PRKAA1: variants seen among roughly 807,000 people sequenced by gnomAD.
PRKAA1 encodes 5'-AMP-activated protein kinase catalytic subunit alpha-1.
Under a neutral mutation model 56.9 loss-of-function variants are expected in PRKAA1, and 23 were observed. The ratio of observed to expected loss-of-function variants is 0.40; its 90% confidence interval spans 0.29 to 0.57. The LOEUF (loss-of-function observed/expected upper bound fraction) is 0.57, where lower values mean the gene tolerates loss of function less well. PRKAA1 is among the 20% of genes least tolerant of loss of function. The pLI, the probability that PRKAA1 is intolerant of heterozygous loss-of-function variation, is 0.39. For missense variants in PRKAA1, 413 were observed against 679.7 expected, an observed-to-expected ratio of 0.61 and a Z score of 4.36; for synonymous variants, 226 against 227.0, an observed-to-expected ratio of 1.00 and a Z score of 0.04.
At chr5:40,793,888 G>A (rs1180575694) in intron 1 of PRKAA1, among the ~76,000 whole-genome samples, 1 of 152,130 alleles carries the variant, frequency 6.6e-6, no homozygotes, top group Non-Finnish European at 1.5e-5. Flanking sequence ...GATCACCTGA[G>A]GTCAGGAGTT....
intron 3 of PRKAA1, 125 bp from the exon 4 acceptor site, chr5:40,771,988 G>T: frequency 8.3e-7 from 1 of 1,201,052 alleles, no homozygotes; most frequent in Non-Finnish European, 1.2e-6. Context: ...TCACTTATGA[G>T]ATACTTTTGA....
At chr5:40,765,365 T>G (rs572173710) in intron 6 of PRKAA1, 127 bp from the exon 7 acceptor site, 2 of 1,161,986 alleles carry the variant, frequency 1.7e-6, no homozygotes, top group Admixed American at 3.1e-5. Flanking sequence ...TGTCACTTTT[T>G]GCACTGAAAT....
In PRKAA1 at chr5:40,762,685, TA is replaced by T. The variant is rs1287373055; in HGVS notation, c.*92del. The T allele has an allele frequency of 2.0e-6, 3 of 1,500,832 alleles. No individual in the cohort carries two copies. Among genetic ancestry groups the T allele is most frequent in the Non-Finnish European group, 2.7e-6 (3 of 1,107,438 alleles). 93.0% of individuals were successfully genotyped at this position (1,500,832 alleles called of 1,614,324 possible). On this transcript the variant is annotated 3_prime_UTR_variant, in exon 9 of 9. Coordinates refer to ENST00000397128, the MANE Select transcript of PRKAA1 (RefSeq NM_006251.6). ...ATTCCAAAACGCCAGCCCTCGGTTA[TA>T]ATTATGTATAACTTGATTACAAATG...
At chr5:40,788,730 G>A (rs754304076) in intron 1 of PRKAA1, among the ~76,000 whole-genome samples, 4 of 152,074 alleles carry the variant, frequency 2.6e-5, no homozygotes, top group Admixed American at 6.6e-5. Flanking sequence ...ATGAGGCTGA[G>A]GCAAAAGAAT....
chr5:40,794,405 T>C (rs569388052), intron 1 of PRKAA1, among the ~76,000 whole-genome samples: 5 of 152,346 alleles, frequency 3.3e-5, no homozygotes, highest in African/African-American at 1.2e-4. Context: ...TTTTCAGATG[T>C]ATTGATTAGG....
intron 1 of PRKAA1, among the ~76,000 whole-genome samples, chr5:40,787,646 G>A (rs969702740): frequency 1.3e-5 from 2 of 151,936 alleles, no homozygotes; most frequent in African/African-American, 4.8e-5. Flanking sequence ...CCAGTTATAA[G>A]ATGTTTTGTG....
chr5:40,778,663 CAT>C, intron 1 of PRKAA1, among the ~76,000 whole-genome samples: 1 of 151,796 alleles, frequency 6.6e-6, no homozygotes, highest in Non-Finnish European at 1.5e-5. Context: ...TCTCTCATGT[CAT>C]AGATACATTT....
intron 1 of PRKAA1, among the ~76,000 whole-genome samples, chr5:40,785,698 T>C (rs1348063674): frequency 6.6e-6 from 1 of 152,112 alleles, no homozygotes; most frequent in East Asian, 1.9e-4. Flanking sequence ...GAATCTCTGA[T>C]TGTTATCTTA....
chr5:40,791,945 A>C (rs1050773576), intron 1 of PRKAA1, among the ~76,000 whole-genome samples: 3 of 152,246 alleles, frequency 2.0e-5, no homozygotes, highest in Non-Finnish European at 2.9e-5. Context: ...ATCCATAAAA[A>C]ATATAGTAAC....
Position 40,792,365 on chromosome 5 carries a change from GA to G in PRKAA1, c.127+5697del, listed in dbSNP as rs1265450559. Among the ~76,000 whole-genome samples, 5 of 152,206 alleles carry G rather than the reference GA, an allele frequency of 3.3e-5. No individual in the cohort carries two copies. The East Asian group carries it at 7.7e-4, about 23-fold the overall frequency. ...CTATTACTATTAGAAAGGTTACTTC[GA>G]AAGTTTTGTATTAATATTTACAACA... On this transcript the variant is annotated intron_variant, in intron 1 of 8. Transcript: ENST00000397128.
intron 1 of PRKAA1, among the ~76,000 whole-genome samples, chr5:40,786,829 C>T (rs1220771440): frequency 7.2e-6 from 1 of 139,434 alleles, no homozygotes; most frequent in Non-Finnish European, 1.5e-5. Flanking sequence ...AGTGGTGGTG[C>T]ACGCCTGTAA....
At chr5:40,766,850 C>T (rs958073482) in intron 6 of PRKAA1, among the ~76,000 whole-genome samples, 15 of 151,470 alleles carry the variant, frequency 9.9e-5, no homozygotes, top group African/African-American at 3.6e-4. Flanking sequence ...AAACAAAAAG[C>T]AAAACAATAA....
chr5:40,780,866 C>T (rs73084456), intron 1 of PRKAA1, among the ~76,000 whole-genome samples: 272 of 152,292 alleles, frequency 1.8e-3, no homozygotes, highest in African/African-American at 6.2e-3. Flanking sequence ...TCCTCACAGA[C>T]AAACCCAAAA....
chr5:40,790,525 C>CTTTT (rs1554033592), intron 1 of PRKAA1, among the ~76,000 whole-genome samples: 2 of 112,032 alleles, frequency 1.8e-5, no homozygotes, highest in African/African-American at 7.8e-5. Flanking sequence ...TCAACTCTTT[C>CTTTT]TTTTTTTTTT....
At chr5:40,781,467 A>C (rs766286756) in intron 1 of PRKAA1, among the ~76,000 whole-genome samples, 24 of 152,202 alleles carry the variant, frequency 1.6e-4, no homozygotes, top group Non-Finnish European at 3.1e-4. Flanking sequence ...GAGAATCTCA[A>C]AATGGTGAAG....
intron 1 of PRKAA1, among the ~76,000 whole-genome samples, chr5:40,796,849 CA>C: frequency 6.6e-6 from 1 of 152,188 alleles, no homozygotes; most frequent in South Asian, 2.1e-4. Context: ...TCTTTCAAGT[CA>C]AATATTTACC....
At chr5:40,774,570 T>G (rs865854727) in intron 3 of PRKAA1, among the ~76,000 whole-genome samples, 2,069 of 149,384 alleles carry the variant, frequency 0.014, 24 homozygotes, top group Non-Finnish European at 0.023. Flanking sequence ...TTTTTTTTTT[T>G]TGGTAAGGAG....
intron 1 of PRKAA1, among the ~76,000 whole-genome samples, chr5:40,781,175 A>T (rs1345873313): frequency 6.6e-6 from 1 of 152,090 alleles, no homozygotes; most frequent in African/African-American, 2.4e-5. Context: ...AGGATTTCAG[A>T]TGTGTGAGAT....
chr5:40,781,822 A>G (rs1438316275), intron 1 of PRKAA1, among the ~76,000 whole-genome samples: 3 of 152,200 alleles, frequency 2.0e-5, no homozygotes, highest in Non-Finnish European at 4.4e-5. Context: ...TATAAGAGAA[A>G]GAAGGAAGGC....
Sources: allele counts gnomAD v4.1 joint callset (sites outside exome capture counted in the v4.1 genomes callset), GRCh38; gene constraint gnomAD v4.1.1; transcripts MANE v1.5; gene names NCBI Gene and HGNC (gene_info 2026-07-23, HGNC 2026-07-21).